FRYL: variants seen among roughly 807,000 people sequenced by gnomAD.
The protein encoded by FRYL is FRY like transcription coactivator.
In FRYL, 150 loss-of-function variants were observed where a neutral mutation model predicts 351.2. The ratio of observed to expected loss-of-function variants is 0.43; its 90% CI spans 0.37 to 0.49. FRYL has a LOEUF of 0.49. Among genes scored for constraint, FRYL ranks in the 20% least tolerant of loss-of-function variants. The pLI, the probability that FRYL is intolerant of heterozygous loss-of-function variation, is 0.00. For missense variants in FRYL, 3,036 were observed against 3,619.3 expected, an observed-to-expected ratio of 0.84 and a Z score of 4.13; for synonymous variants, 1,153 against 1,257.1, an observed-to-expected ratio of 0.92 and a Z score of 1.75.
chr4:48,610,478 A>G (rs1367361732), intron 7 of FRYL, among the ~76,000 whole-genome samples: 1 of 151,554 alleles, frequency 6.6e-6, no homozygotes, highest in African/African-American at 2.4e-5. Context: ...TGCATTCCTT[A>G]GTTTTACTTA....
chr4:48,691,499 C>A (rs759752327), intron 2 of FRYL, among the ~76,000 whole-genome samples: 1 of 152,102 alleles, frequency 6.6e-6, no homozygotes, highest in Non-Finnish European at 1.5e-5. Flanking sequence ...AGGATACACT[C>A]AAATTGTCTC....
chr4:48,662,773 A>G (rs1761024501), intron 3 of FRYL, among the ~76,000 whole-genome samples: 1 of 151,618 alleles, frequency 6.6e-6, no homozygotes, highest in African/African-American at 2.4e-5. Flanking sequence ...AAGAAAAAAA[A>G]AAAAAAAAAA....
intron 1 of FRYL, among the ~76,000 whole-genome samples, chr4:48,718,168 T>C (rs1339832708): frequency 6.6e-6 from 1 of 151,562 alleles, no homozygotes; most frequent in Non-Finnish European, 1.5e-5. Flanking sequence ...GTGTTTATTC[T>C]AAAATCAGTT....
chr4:48,532,266 G>C (rs1727830213), intron 49 of FRYL, among the ~76,000 whole-genome samples: 1 of 152,176 alleles, frequency 6.6e-6, no homozygotes, highest in African/African-American at 2.4e-5. Context: ...ATCCAATTGA[G>C]TTCATAACAT....
At chr4:48,573,128 T>A (rs751389717) in intron 26 of FRYL, 58 bp downstream of exon 26, 1 of 1,309,784 alleles carries the variant, frequency 7.6e-7, no homozygotes, top group Admixed American at 1.8e-5. Context: ...TGATATAACA[T>A]GTAAATATGG....
chr4:48,507,589 T>TTACTC (rs1403453751), intron 59 of FRYL, among the ~76,000 whole-genome samples: 1 of 152,106 alleles, frequency 6.6e-6, no homozygotes, highest in African/African-American at 2.4e-5. Flanking sequence ...GCCCCAGTGC[T>TTACTC]TACTCTACTC....
At chr4:48,757,455 C>A (rs1773915004) in intron 1 of FRYL, among the ~76,000 whole-genome samples, 1 of 152,092 alleles carries the variant, frequency 6.6e-6, no homozygotes, top group Non-Finnish European at 1.5e-5. Context: ...AACAGACAAA[C>A]AGAGAACCAA....
intron 49 of FRYL, among the ~76,000 whole-genome samples, chr4:48,534,322 C>T (rs1404117081): frequency 6.6e-6 from 1 of 152,190 alleles, no homozygotes; most frequent in East Asian, 1.9e-4. Context: ...CATTACAGAA[C>T]ATTACAGAAA....
intron 2 of FRYL, among the ~76,000 whole-genome samples, chr4:48,697,641 G>A (rs1307427834): frequency 3.3e-5 from 5 of 152,116 alleles, no homozygotes; most frequent in East Asian, 1.9e-4. Flanking sequence ...CACCACACCC[G>A]ACTAATTTTG....
chr4:48,686,554 C>T (rs1765170053), intron 2 of FRYL, among the ~76,000 whole-genome samples: 1 of 152,090 alleles, frequency 6.6e-6, no homozygotes, highest in South Asian at 2.1e-4. Flanking sequence ...GTCTTGTGGG[C>T]ACGGTCCTGC....
intron 47 of FRYL, among the ~76,000 whole-genome samples, chr4:48,537,296 A>G (rs902745888): frequency 4.1e-4 from 62 of 152,208 alleles, no homozygotes; most frequent in African/African-American, 1.4e-3. Context: ...GTGCAATTTT[A>G]TAATAGAACA....
intron 59 of FRYL, 97 bp from the exon 60 acceptor site, chr4:48,505,712 TTCTAGGA>T: frequency 1.3e-6 from 1 of 741,034 alleles, no homozygotes; most frequent in Non-Finnish European, 2.3e-6. Flanking sequence ...TAACTTGAAG[TTCTAGGA>T]TTGGTTGTAG....
At chr4:48,686,976 T>C (rs1765203200) in intron 2 of FRYL, among the ~76,000 whole-genome samples, 1 of 152,242 alleles carries the variant, frequency 6.6e-6, no homozygotes, top group African/African-American at 2.4e-5. Flanking sequence ...AGTTTATACT[T>C]CACTGGCTTT....
rs1736609001 is a variant in FRYL at position 48,565,688 on chromosome 4, T to G, written c.3173A>C (p.His1058Pro). The G allele has an allele frequency of 6.2e-7, 1 of 1,604,324 alleles. No homozygotes were observed. Among genetic ancestry groups the G allele is most frequent in the Admixed American group, 1.8e-5 (1 of 56,560 alleles). ...VANIIQNVPV[H>P]QRRSIFPQQS... ...TTGAGGAAAAATACTTCTTCTCTGG[T>G]GCACTGTGAATAAAAAAAGATAGAA... The change falls in exon 29 of 64, where the codon CAC (histidine) becomes CCC (proline). Residue 1058 changes from histidine (H) to proline (P), a missense_variant. Physicochemically the swap from His to Pro is moderately conservative, Grantham distance 77. Around this residue, in one of 7 missense-constraint regions of FRYL, gnomAD observed 15 missense variants for 41.9 expected, o/e 0.36. Coordinates refer to ENST00000358350, the MANE Select transcript of FRYL (RefSeq NM_015030.2).
At chr4:48,505,649 C>T in intron 59 of FRYL, 34 bp from the exon 60 acceptor site, 2 of 1,349,210 alleles carry the variant, frequency 1.5e-6, no homozygotes, top group Non-Finnish European at 1.1e-6. Flanking sequence ...TTAATATGCA[C>T]AGTAAAATGG....
At chr4:48,669,012 T>C (rs921112177) in intron 3 of FRYL, among the ~76,000 whole-genome samples, 3 of 152,240 alleles carry the variant, frequency 2.0e-5, no homozygotes, top group Admixed American at 6.5e-5. Flanking sequence ...ATTCTACTCT[T>C]CTTTTTAAAA....
intron 3 of FRYL, among the ~76,000 whole-genome samples, chr4:48,645,776 G>A (rs572611850): frequency 1.3e-5 from 2 of 152,214 alleles, no homozygotes; most frequent in South Asian, 4.1e-4. Flanking sequence ...TTTACTTAAA[G>A]TTGATTGTGA....
chr4:48,603,127 T>C (rs1287378525), intron 12 of FRYL, among the ~76,000 whole-genome samples, 163 bp downstream of exon 12: 7 of 152,182 alleles, frequency 4.6e-5, no homozygotes, highest in African/African-American at 7.2e-5. Flanking sequence ...AACATTTAAA[T>C]AGAGCCACGC....
At chr4:48,627,561 G>A (rs1752076249) in intron 4 of FRYL, among the ~76,000 whole-genome samples, 1 of 152,016 alleles carries the variant, frequency 6.6e-6, no homozygotes, top group Non-Finnish European at 1.5e-5. Context: ...ATGGGGGTGG[G>A]TTGTTTTTTC....
Sources: allele counts gnomAD v4.1 joint callset (sites outside exome capture counted in the v4.1 genomes callset), GRCh38; gene constraint gnomAD v4.1.1; regional missense constraint gnomAD v4.1.1; transcripts MANE v1.5; gene names NCBI Gene and HGNC (gene_info 2026-07-23, HGNC 2026-07-21).